The following PECR variants were observed in gnomAD, a reference collection of about 807,000 sequenced individuals.
The protein encoded by PECR is 2,4-dienoyl-CoA reductase-related protein.
A neutral mutation model predicts 35.3 loss-of-function variants in PECR; 30 were observed. The ratio of observed to expected loss-of-function variants is 0.85; its 90% CI spans 0.64 to 1.15. PECR has a LOEUF of 1.15. Ranked by LOEUF, PECR falls within the 50% of genes most tolerant of loss-of-function variation. The pLI is 0.00. For synonymous variants in PECR, 148 were observed against 138.9 expected (o/e 1.07, Z -0.46); for missense variants, 392 against 370.8 (o/e 1.06, Z -0.47).
downstream of PECR, among the ~76,000 whole-genome samples, chr2:216,037,418 C>T (rs978148453): frequency 6.6e-6 from 1 of 152,176 alleles, no homozygotes; most frequent in Non-Finnish European, 1.5e-5. Context: ...CATGTGAAAG[C>T]AAGCCCTGCC....
rs751849690 is a variant in PECR at position 216,039,273 on chromosome 2, G to T, written c.*2C>A. 1.3e-5 allele frequency: 20 copies of T among 1,554,548 alleles called. No homozygotes were observed. Among genetic ancestry groups the T allele is most frequent in the Middle Eastern group, 1.7e-4 (1 of 5,962 alleles). On this transcript the variant is annotated 3_prime_UTR_variant, in exon 8 of 8. Transcript: ENST00000265322. ...GGATGGAGGACACCTTGTTTCCTCA[G>T]CTCAGAGCTTAGCTTTCTCCTTAAA...
chr2:216,053,969 C>T (rs545565505), intron 4 of PECR, among the ~76,000 whole-genome samples: 1 of 152,146 alleles, frequency 6.6e-6, no homozygotes, highest in Non-Finnish European at 1.5e-5. Context: ...ATTTGGATGA[C>T]CTTTAGACTC....
intron 1 of PECR, among the ~76,000 whole-genome samples, chr2:216,068,552 A>T (rs1695517907): frequency 6.6e-6 from 1 of 152,224 alleles, no homozygotes. Flanking sequence ...CACTACAAAA[A>T]AGATGAAAGG....
At chr2:216,044,038 G>C (rs954537708) in intron 6 of PECR, 23 bp from the exon 7 acceptor site, 22 of 1,307,898 alleles carry the variant, frequency 1.7e-5, no homozygotes, top group Non-Finnish European at 2.4e-5. Context: ...ACACACATGT[G>C]CATAGGTAAA....
intron 3 of PECR, chr2:216,064,088 A>G (rs1695415707): frequency 6.6e-6 from 1 of 152,146 alleles, no homozygotes; most frequent in African/African-American, 2.4e-5. Context: ...AATTCTGTAG[A>G]CTTTTAATTG....
At chr2:216,031,455 GAGAGAAAGAAAGAAAGAA>G (rs796985454) in intron 7 of PECR, among the ~76,000 whole-genome samples, 21 of 134,038 alleles carry the variant, frequency 1.6e-4, no homozygotes, top group Admixed American at 6.6e-4. Context: ...AAGAAAGAAA[GAGAGAAAGAAAGAAAGAA>G]AGAGAAAGAA....
In PECR at chr2:216,043,962, T is replaced by A. The variant is rs1694945780; in HGVS notation, c.768A>T (p.Gly256=). 2 of 1,612,928 alleles carry A rather than the reference T, an allele frequency of 1.2e-6. No homozygotes were observed. Among genetic ancestry groups the A allele is most frequent in the Non-Finnish European group, 8.5e-7 (1 of 1,179,036 alleles). The stretch of plus-strand genomic sequence containing the variant: ...GGCCCCCATCCACATCCACCGACTG[T>A]CCAGTGATGAAGGAAGCTGCAGGAG... ...LLSPAASFIT[G]QSVDVDGGRS... is the part of the protein sequence containing the mutation. The change falls in exon 7 of 8, where the codon GGA becomes GGT. Residue 256 remains glycine, a synonymous_variant. Transcript: ENST00000265322.
intron 4 of PECR, 149 bp downstream of exon 4, chr2:216,058,746 G>T: frequency 1.7e-6 from 1 of 603,556 alleles, no homozygotes; most frequent in African/African-American, 1.9e-5. Context: ...TGAATTTTAA[G>T]TTCAAATAAA....
chr2:216,051,135 A>T (rs1246142121), intron 5 of PECR, among the ~76,000 whole-genome samples: 1 of 150,998 alleles, frequency 6.6e-6, no homozygotes, highest in Non-Finnish European at 1.5e-5. Context: ...AAATCCAAAA[A>T]ATTAGCTGGG....
At chr2:216,046,951 A>G (rs1223784307) in intron 6 of PECR, among the ~76,000 whole-genome samples, 1 of 152,212 alleles carries the variant, frequency 6.6e-6, no homozygotes, top group Non-Finnish European at 1.5e-5. Flanking sequence ...AATAACACAG[A>G]GTAAATTCTG....
chr2:216,041,547 C>T (rs7600290), intron 7 of PECR, among the ~76,000 whole-genome samples: 20,787 of 152,158 alleles, frequency 0.14, 1,746 homozygotes, highest in South Asian at 0.23. Context: ...TGGTCTTCAA[C>T]CCCATCTCCC....
downstream of PECR, among the ~76,000 whole-genome samples, chr2:216,033,508 C>CA (rs1196796452): frequency 1.3e-5 from 2 of 151,948 alleles, no homozygotes; most frequent in Non-Finnish European, 2.9e-5. Flanking sequence ...CAGAAAAGGG[C>CA]AAAATAAGCA....
At chr2:216,056,588 G>A (rs1695229272) in intron 4 of PECR, among the ~76,000 whole-genome samples, 1 of 151,850 alleles carries the variant, frequency 6.6e-6, no homozygotes, top group Non-Finnish European at 1.5e-5. Flanking sequence ...GGACGTGGTG[G>A]TGGGTGCCTA....
chr2:216,071,850 G>GT (rs1457364941), intron 1 of PECR, among the ~76,000 whole-genome samples: 1 of 152,076 alleles, frequency 6.6e-6, no homozygotes, highest in Non-Finnish European at 1.5e-5. Flanking sequence ...TCAGGTCTCT[G>GT]TTTGTCCCTG....
chr2:216,043,274 A>AT (rs1039190171), intron 7 of PECR, among the ~76,000 whole-genome samples: 4 of 150,352 alleles, frequency 2.7e-5, no homozygotes, highest in Non-Finnish European at 5.9e-5. Context: ...AGCCTGGCTA[A>AT]TTTTTTTGTA....
chr2:216,042,754 A>C (rs1694908959), intron 7 of PECR, among the ~76,000 whole-genome samples: 2 of 151,992 alleles, frequency 1.3e-5, no homozygotes, highest in Middle Eastern at 6.8e-3. Flanking sequence ...TAAACTTATA[A>C]AACTTCTGGT....
chr2:216,070,276 T>C (rs1695562708), intron 1 of PECR, among the ~76,000 whole-genome samples: 1 of 152,248 alleles, frequency 6.6e-6, no homozygotes, highest in South Asian at 2.1e-4. Flanking sequence ...AATGTATCTA[T>C]CACCTCTTAT....
chr2:216,049,035 CA>C (rs1286182993), intron 6 of PECR, among the ~76,000 whole-genome samples: 5 of 151,568 alleles, frequency 3.3e-5, no homozygotes, highest in East Asian at 1.9e-4. Flanking sequence ...AACAAACTAA[CA>C]AAAAAAATGC....
intron 1 of PECR, among the ~76,000 whole-genome samples, chr2:216,081,053 A>T (rs1034830625): frequency 3.9e-5 from 6 of 152,186 alleles, no homozygotes; most frequent in African/African-American, 1.4e-4. Context: ...TAAACTTTAT[A>T]TATTTTTTTA....
Sources: allele counts gnomAD v4.1 joint callset (sites outside exome capture counted in the v4.1 genomes callset), GRCh38; gene constraint gnomAD v4.1.1; transcripts MANE v1.5; gene names NCBI Gene and HGNC (gene_info 2026-07-23, HGNC 2026-07-21).